PTPRD: variants seen among roughly 807,000 people sequenced by gnomAD.
PTPRD encodes the protein protein tyrosine phosphatase receptor type D, also known as receptor-type tyrosine-protein phosphatase delta.
Under a neutral mutation model 214.5 loss-of-function variants are expected in PTPRD, and 34 were observed. The ratio of observed to expected loss-of-function variants is 0.16; its 90% CI spans 0.12 to 0.21. The LOEUF (loss-of-function observed/expected upper bound fraction) is 0.21. Among genes scored for constraint, PTPRD ranks in the 10% least tolerant of loss-of-function variants. PTPRD has a pLI of 1.00. For synonymous variants in PTPRD, 1,128 were observed against 845.7 expected (o/e 1.33, Z -5.79); for missense variants, 2,545 against 2,398.7 (o/e 1.06, Z -1.27).
Position 8,486,022 on chromosome 9 carries a change from G to A in PTPRD, c.2795C>T (p.Ser932Leu), listed in dbSNP as rs2135939553. The A allele has an allele frequency of 1.2e-6, 2 of 1,614,186 alleles. No individual in the cohort carries two copies. The highest frequency in any genetic ancestry group is 1.7e-5 in the Admixed American group (1 of 60,020). The change falls in exon 28 of 46, where the codon TCA becomes TTA. Residue 932 changes from serine to leucine, a missense_variant. Transcript: ENST00000381196. ...TTGCCAAGATAACTGGACGGAGGTT[G>A]AAGTGGTGCCTTCTGAGTGAAGGTT... is the stretch of plus-strand genomic sequence containing the variant. Reference protein sequence around the residue: ...PQNLHSEGTTSTSVQLSWQPP... With the variant: ...PQNLHSEGTTLTSVQLSWQPP...
At chr9:10,334,315 T>A (rs1215233469) in intron 3 of PTPRD, among the ~76,000 whole-genome samples, 1 of 151,674 alleles carries the variant, frequency 6.6e-6, no homozygotes, top group Admixed American at 6.6e-5. Context: ...ATAATACCAA[T>A]AGATCCAGAA....
At chr9:9,774,970 C>A (rs1329730091) in intron 5 of PTPRD, among the ~76,000 whole-genome samples, 1 of 152,126 alleles carries the variant, frequency 6.6e-6, no homozygotes, top group Non-Finnish European at 1.5e-5. Flanking sequence ...GCAGCTCTGA[C>A]ATTATGCTGG....
intron 8 of PTPRD, among the ~76,000 whole-genome samples, chr9:9,456,454 T>A (rs2093014365): frequency 6.6e-6 from 1 of 151,852 alleles, no homozygotes; most frequent in Admixed American, 6.6e-5. Flanking sequence ...ATGTCAGTCT[T>A]ATTTTCTCCG....
chr9:10,172,132 AGAC>A (rs1164572294), intron 3 of PTPRD, among the ~76,000 whole-genome samples: 1 of 152,182 alleles, frequency 6.6e-6, no homozygotes, highest in African/African-American at 2.4e-5. Flanking sequence ...CAAAATCTAA[AGAC>A]GACCAACTGA....
intron 10 of PTPRD, among the ~76,000 whole-genome samples, chr9:9,058,214 A>G (rs925218163): frequency 1.3e-5 from 2 of 152,122 alleles, no homozygotes; most frequent in African/African-American, 4.8e-5. Flanking sequence ...AACACAGCCT[A>G]TGATGGAGTC....
intron 8 of PTPRD, among the ~76,000 whole-genome samples, chr9:9,436,111 A>G (rs1588368465): frequency 6.6e-6 from 1 of 152,182 alleles, no homozygotes; most frequent in East Asian, 1.9e-4. Context: ...AATATTCTGT[A>G]GGATGACCCT....
At chr9:10,392,935 C>A (rs887313801) in intron 2 of PTPRD, among the ~76,000 whole-genome samples, 3 of 151,730 alleles carry the variant, frequency 2.0e-5, no homozygotes, top group Non-Finnish European at 4.4e-5. Context: ...TGATTCATCA[C>A]AGTGGGGTCT....
chr9:9,692,938 A>G (rs992220101), intron 7 of PTPRD, among the ~76,000 whole-genome samples: 2 of 152,054 alleles, frequency 1.3e-5, no homozygotes, highest in Non-Finnish European at 2.9e-5. Context: ...CACTGTTGGC[A>G]TATAGAAATG....
At chr9:10,238,922 A>C (rs1327640849) in intron 3 of PTPRD, among the ~76,000 whole-genome samples, 1 of 151,848 alleles carries the variant, frequency 6.6e-6, no homozygotes, top group African/African-American at 2.4e-5. Context: ...TGTTTGTCAG[A>C]TCGATTTATG....
At chr9:9,910,043 C>A (rs1370059409) in intron 5 of PTPRD, among the ~76,000 whole-genome samples, 1 of 151,910 alleles carries the variant, frequency 6.6e-6, no homozygotes, top group Non-Finnish European at 1.5e-5. Context: ...GAGCCATAAC[C>A]TCAGGTTCAA....
chr9:8,577,022 C>T (rs536463252), intron 14 of PTPRD, among the ~76,000 whole-genome samples: 1 of 152,168 alleles, frequency 6.6e-6, no homozygotes, highest in Non-Finnish European at 1.5e-5. Context: ...CAGCTAGAGC[C>T]AAGCTTCAAA....
At chr9:9,176,157 G>C (rs1312817123) in intron 10 of PTPRD, among the ~76,000 whole-genome samples, 2 of 152,098 alleles carry the variant, frequency 1.3e-5, no homozygotes, top group Non-Finnish European at 2.9e-5. Context: ...AAACTTAAGG[G>C]CTTGATATGT....
intron 5 of PTPRD, among the ~76,000 whole-genome samples, chr9:9,842,996 G>C (rs1481413421): frequency 6.6e-6 from 1 of 152,094 alleles, no homozygotes; most frequent in Non-Finnish European, 1.5e-5. Flanking sequence ...GCAGGAGTTA[G>C]CAAACTATGG....
At chr9:10,071,020 T>G (rs545409427) in intron 3 of PTPRD, among the ~76,000 whole-genome samples, 2 of 152,150 alleles carry the variant, frequency 1.3e-5, no homozygotes, top group African/African-American at 4.8e-5. Flanking sequence ...AAGATTATGA[T>G]AGTACAAAAA....
At chr9:9,178,938 T>C (rs1463040348) in intron 10 of PTPRD, among the ~76,000 whole-genome samples, 1 of 152,020 alleles carries the variant, frequency 6.6e-6, no homozygotes, top group African/African-American at 2.4e-5. Context: ...AATACTGTAA[T>C]CAAAGATCTC....
At chr9:9,167,374 C>T (rs1462859104) in intron 10 of PTPRD, among the ~76,000 whole-genome samples, 2 of 149,516 alleles carry the variant, frequency 1.3e-5, no homozygotes, top group South Asian at 2.1e-4. Context: ...TTTCGATTTG[C>T]TAATGATGAC....
chr9:8,854,514 T>C (rs545773399), intron 11 of PTPRD, among the ~76,000 whole-genome samples: 1 of 152,186 alleles, frequency 6.6e-6, no homozygotes, highest in Non-Finnish European at 1.5e-5. Flanking sequence ...AATATGCAAA[T>C]ACTTACAGTG....
At chr9:10,291,015 T>C (rs891551289) in intron 3 of PTPRD, among the ~76,000 whole-genome samples, 3 of 151,156 alleles carry the variant, frequency 2.0e-5, no homozygotes, top group Non-Finnish European at 4.4e-5. Flanking sequence ...TTCCATTGTT[T>C]AGAGAATCTA....
chr9:9,752,301 C>T (rs914966071), intron 6 of PTPRD, among the ~76,000 whole-genome samples: 3 of 151,992 alleles, frequency 2.0e-5, no homozygotes, highest in South Asian at 2.1e-4. Flanking sequence ...ATGTGGACTT[C>T]GATATTTAAG....
Sources: allele counts gnomAD v4.1 joint callset (sites outside exome capture counted in the v4.1 genomes callset), GRCh38; gene constraint gnomAD v4.1.1; transcripts MANE v1.5; gene names NCBI Gene and HGNC (gene_info 2026-07-23, HGNC 2026-07-21).